Variants in ZMIZ1 observed in about 807,000 individuals in gnomAD.
ZMIZ1 encodes the protein zinc finger MIZ-type containing 1, also known as zinc finger MIZ domain-containing protein 1.
In ZMIZ1, 17 loss-of-function variants were observed where a neutral mutation model predicts 113.9. The ratio of observed to expected loss-of-function variants is 0.15; its 90% confidence interval spans 0.10 to 0.22. The LOEUF (loss-of-function observed/expected upper bound fraction) is 0.22. ZMIZ1 is among the 10% of genes least tolerant of loss of function. The pLI is 1.00. For synonymous variants in ZMIZ1, 607 were observed against 603.1 expected (o/e 1.01, Z -0.09); for missense variants, 1,059 against 1,477.8 (o/e 0.72, Z 4.65).
chr10:79,184,802 A>G (rs946482679), intron 4 of ZMIZ1, among the ~76,000 whole-genome samples: 1 of 152,174 alleles, frequency 6.6e-6, no homozygotes, highest in Non-Finnish European at 1.5e-5. Context: ...ACAAGGGCCA[A>G]AGTGTGCTCT....
At chr10:79,254,537 C>A (rs1336353589) in intron 7 of ZMIZ1, among the ~76,000 whole-genome samples, 1 of 152,230 alleles carries the variant, frequency 6.6e-6, no homozygotes, top group Non-Finnish European at 1.5e-5. Context: ...GGGCCTGGCC[C>A]GCTGGTCTCT....
intron 4 of ZMIZ1, among the ~76,000 whole-genome samples, chr10:79,186,599 T>A (rs560461884): frequency 5.9e-5 from 9 of 152,372 alleles, no homozygotes; most frequent in African/African-American, 1.9e-4. Context: ...ATTAACTTTG[T>A]AATTAATATG....
At chr10:79,080,292 G>T (rs985449373) in intron 1 of ZMIZ1, among the ~76,000 whole-genome samples, 6 of 147,476 alleles carry the variant, frequency 4.1e-5, no homozygotes, top group African/African-American at 1.5e-4. Context: ...CAGAAAGCTC[G>T]GGTGTGACTT....
chr10:79,170,969 A>G (rs966179793), intron 4 of ZMIZ1, among the ~76,000 whole-genome samples: 3 of 152,130 alleles, frequency 2.0e-5, no homozygotes, highest in African/African-American at 7.2e-5. Context: ...GACAGGTCCG[A>G]GGGGCTGCCT....
At chr10:79,070,240 C>T (rs932713911) in intron 1 of ZMIZ1, among the ~76,000 whole-genome samples, 1 of 151,890 alleles carries the variant, frequency 6.6e-6, no homozygotes, top group Non-Finnish European at 1.5e-5. Context: ...GCGTCTAGGG[C>T]GCGGGCAGCG....
chr10:79,277,033 A>G (rs112246432), intron 7 of ZMIZ1, 148 bp from the exon 8 acceptor site: 19 of 1,010,634 alleles, frequency 1.9e-5, no homozygotes, highest in African/African-American at 1.5e-4. Context: ...AGGCCTCCCA[A>G]GAGGGCTGAG....
At chr10:79,174,659 A>G (rs1208111073) in intron 4 of ZMIZ1, among the ~76,000 whole-genome samples, 1 of 152,200 alleles carries the variant, frequency 6.6e-6, no homozygotes, top group African/African-American at 2.4e-5. Context: ...GGTCTTTAAA[A>G]TCCAAGCCCA....
At chr10:79,221,332 T>G (rs538349275) in intron 7 of ZMIZ1, among the ~76,000 whole-genome samples, 2 of 152,336 alleles carry the variant, frequency 1.3e-5, no homozygotes, top group African/African-American at 4.8e-5. Flanking sequence ...AGGCAGTCAC[T>G]GCAGCAGCCG....
At chr10:79,272,179 G>A (rs1317454718) in intron 7 of ZMIZ1, among the ~76,000 whole-genome samples, 10 of 152,034 alleles carry the variant, frequency 6.6e-5, no homozygotes, top group Admixed American at 6.5e-5. Context: ...CCAGCTACTC[G>A]GGATGCTGAG....
chr10:79,158,357 C>T (rs1376164299), intron 3 of ZMIZ1, among the ~76,000 whole-genome samples: 2 of 152,200 alleles, frequency 1.3e-5, no homozygotes, highest in Non-Finnish European at 2.9e-5. Flanking sequence ...GGAGCCTTCT[C>T]TGGTGAGAGC....
At chr10:79,188,530 T>C (rs1488808235) in intron 4 of ZMIZ1, among the ~76,000 whole-genome samples, 7 of 152,196 alleles carry the variant, frequency 4.6e-5, no homozygotes, top group Non-Finnish European at 1.0e-4. Context: ...TTCCGATCTT[T>C]CTGTGGCTTC....
chr10:79,077,363 T>G (rs1438133024), intron 1 of ZMIZ1, among the ~76,000 whole-genome samples: 1 of 152,128 alleles, frequency 6.6e-6, no homozygotes, highest in Non-Finnish European at 1.5e-5. Flanking sequence ...GGACGCGACC[T>G]TATAGGGTCT....
intron 12 of ZMIZ1, 182 bp downstream of exon 12, chr10:79,293,835 A>C (rs749859216): frequency 4.4e-6 from 4 of 902,256 alleles, no homozygotes. Context: ...TTCCCAACTG[A>C]AAGACCTCGA....
At chr10:79,232,741 C>T (rs1328894824) in intron 7 of ZMIZ1, among the ~76,000 whole-genome samples, 2 of 152,198 alleles carry the variant, frequency 1.3e-5, no homozygotes, top group African/African-American at 4.8e-5. Flanking sequence ...CATGCACATC[C>T]TCTCCTTTCA....
chr10:79,264,130 G>A (rs1450778916), intron 7 of ZMIZ1, among the ~76,000 whole-genome samples: 1 of 152,232 alleles, frequency 6.6e-6, no homozygotes, highest in East Asian at 1.9e-4. Context: ...AGGCTCCGTG[G>A]TTCCTGGGCA....
intron 1 of ZMIZ1, among the ~76,000 whole-genome samples, chr10:79,113,473 C>T (rs527291968): frequency 6.6e-6 from 1 of 152,322 alleles, no homozygotes; most frequent in African/African-American, 2.4e-5. Flanking sequence ...CCTTGTGCTT[C>T]CTTCCCCTGG....
intron 7 of ZMIZ1, among the ~76,000 whole-genome samples, chr10:79,217,187 GC>G (rs1329329973): frequency 6.6e-6 from 1 of 152,244 alleles, no homozygotes; most frequent in East Asian, 1.9e-4. Flanking sequence ...ACTTTGGGAG[GC>G]CGAGGCGAGC....
At chr10:79,084,382 A>G (rs1842744275) in intron 1 of ZMIZ1, among the ~76,000 whole-genome samples, 1 of 152,246 alleles carries the variant, frequency 6.6e-6, no homozygotes, top group Admixed American at 6.5e-5. Context: ...AGAGGAGGGA[A>G]CAAAAACATT....
intron 3 of ZMIZ1, among the ~76,000 whole-genome samples, chr10:79,152,112 T>A (rs979996248): frequency 6.6e-6 from 1 of 152,188 alleles, no homozygotes; most frequent in African/African-American, 2.4e-5. Flanking sequence ...GTCCCCTTCC[T>A]CTTCTCTGAG....
Sources: gnomAD v4.1 joint callset for allele counts (sites outside exome capture counted in the v4.1 genomes callset) on GRCh38, gnomAD v4.1.1 for gene constraint, MANE v1.5 for transcripts, NCBI Gene and HGNC (gene_info 2026-07-23, HGNC 2026-07-21) for gene names.